CLDN14: variants seen among roughly 807,000 people sequenced by gnomAD.
The protein encoded by CLDN14 is claudin-14.
A neutral mutation model predicts 2.1 loss-of-function variants in CLDN14; 2 were observed. That is an observed-to-expected ratio of 0.96 (90% CI 0.39 to 3.01). CLDN14 has a LOEUF of 3.01. Ranked by LOEUF, CLDN14 falls within the 30% of genes most tolerant of loss-of-function variation. The pLI is 0.09. For missense variants in CLDN14, 298 were observed against 328.0 expected (o/e 0.91, Z 0.71); for synonymous variants, 136 against 154.4 (o/e 0.88, Z 0.88).
chr21:36,489,783 A>G (rs1228030555), intron 2 of CLDN14, among the ~76,000 whole-genome samples: 2 of 152,248 alleles, frequency 1.3e-5, no homozygotes, highest in Non-Finnish European at 2.9e-5. Flanking sequence ...ACTGCCAGGC[A>G]TCATGTCCAG....
At chr21:36,511,552 G>A (rs2087186801) in intron 1 of CLDN14, among the ~76,000 whole-genome samples, 1 of 152,124 alleles carries the variant, frequency 6.6e-6, no homozygotes, top group Admixed American at 6.5e-5. Context: ...CATTCCTAGT[G>A]CCTGATTTTT....
intron 2 of CLDN14, among the ~76,000 whole-genome samples, chr21:36,502,109 A>T (rs1442812705): frequency 6.6e-6 from 1 of 152,168 alleles, no homozygotes; most frequent in Non-Finnish European, 1.5e-5. Context: ...AAAAGCAGTC[A>T]CAGGGAACCA....
At chr21:36,508,560 G>T (rs1234713746) in intron 2 of CLDN14, among the ~76,000 whole-genome samples, 1 of 152,186 alleles carries the variant, frequency 6.6e-6, no homozygotes, top group Non-Finnish European at 1.5e-5. Flanking sequence ...GCGTTGGGGG[G>T]CCCCGGAGAG....
At chr21:36,536,426 CT>C (rs750643029) in intron 1 of CLDN14, among the ~76,000 whole-genome samples, 19 of 152,154 alleles carry the variant, frequency 1.2e-4, no homozygotes, top group Non-Finnish European at 2.5e-4. Flanking sequence ...TGGCTTTGAC[CT>C]TGTGTATTAA....
chr21:36,468,639 A>G (rs1303150863), intron 1 of CLDN14, among the ~76,000 whole-genome samples: 2 of 152,166 alleles, frequency 1.3e-5, no homozygotes, highest in Non-Finnish European at 2.9e-5. Context: ...ATTTGGATTC[A>G]TTTAGATAAG....
intron 1 of CLDN14, among the ~76,000 whole-genome samples, chr21:36,528,330 TATCATC>T (rs1445246288): frequency 6.6e-6 from 1 of 152,218 alleles, no homozygotes; most frequent in Non-Finnish European, 1.5e-5. Flanking sequence ...CCAGGAATAT[TATCATC>T]ATCTTCCAGA....
intron 1 of CLDN14, among the ~76,000 whole-genome samples, chr21:36,537,651 C>CTT (rs371651908): frequency 0.43 from 61,801 of 142,676 alleles, 16,147 homozygotes; most frequent in Non-Finnish European, 0.58. Flanking sequence ...TTTTTCTTTT[C>CTT]TTTTCTTTTT....
chr21:36,467,320 C>T (rs2086658641), intron 1 of CLDN14, among the ~76,000 whole-genome samples: 1 of 152,212 alleles, frequency 6.6e-6, no homozygotes, highest in Non-Finnish European at 1.5e-5. Context: ...ATCATTTCAA[C>T]AGCAGTGGCC....
upstream of CLDN14, chr21:36,481,128 C>T (rs999662348): frequency 6.6e-6 from 1 of 152,190 alleles, no homozygotes; most frequent in Admixed American, 6.5e-5. Context: ...GGCCCAGATC[C>T]TCTATCCTTA....
upstream of CLDN14, chr21:36,480,858 A>G (rs1311858885): frequency 6.6e-6 from 1 of 152,096 alleles, no homozygotes; most frequent in Non-Finnish European, 1.5e-5. Context: ...AAAAAAAAAG[A>G]TGCAGCGAAG....
In CLDN14 at chr21:36,461,202, T is replaced by C. The variant is rs1186388719; in HGVS notation, c.494A>G (p.Tyr165Cys). Residue 165 changes from tyrosine to cysteine, a missense_variant, in exon 2 of 2, where the codon TAC (tyrosine) becomes TGC (cysteine). Physicochemically the swap from Tyr to Cys is radical, Grantham distance 194. Coordinates refer to ENST00000399135, the MANE Select transcript of CLDN14 (RefSeq NM_001146079.2). ...GAGGGACGAGGAGATGAAGCCCAGG[T>C]ACAGGGCCTGGCCAATCTCAAACTT... ...GMKFEIGQAL[Y>C]LGFISSSLSL... 6.2e-7 allele frequency: 1 copy of C among 1,613,858 alleles called. No homozygotes were observed. Among genetic ancestry groups the C allele is most frequent in the African/African-American group, 1.3e-5 (1 of 74,898 alleles).
intron 1 of CLDN14, among the ~76,000 whole-genome samples, chr21:36,561,619 G>A (rs974343543): frequency 6.6e-6 from 1 of 152,194 alleles, no homozygotes; most frequent in East Asian, 1.9e-4. Context: ...CTCTGTGTTG[G>A]TGAGGAACCA....
chr21:36,534,360 C>T (rs1261084344), intron 1 of CLDN14, among the ~76,000 whole-genome samples: 1 of 152,048 alleles, frequency 6.6e-6, no homozygotes, highest in Non-Finnish European at 1.5e-5. Context: ...ACACGGTTGA[C>T]AGGAAAAAGG....
intron 1 of CLDN14, among the ~76,000 whole-genome samples, chr21:36,562,975 G>T (rs1313835697): frequency 6.6e-6 from 1 of 152,148 alleles, no homozygotes; most frequent in Admixed American, 6.5e-5. Flanking sequence ...AAATGAAAGT[G>T]GTCACCTTCA....
At chr21:36,565,247 G>A (rs2087664534) in intron 1 of CLDN14, among the ~76,000 whole-genome samples, 1 of 152,272 alleles carries the variant, frequency 6.6e-6, no homozygotes, top group East Asian at 1.9e-4. Context: ...GGTGCAGGGG[G>A]TCAGTTTGTC....
At chr21:36,503,214 G>A (rs2087104257) in intron 2 of CLDN14, among the ~76,000 whole-genome samples, 1 of 152,034 alleles carries the variant, frequency 6.6e-6, no homozygotes. Flanking sequence ...CCACCATTCC[G>A]GGCTAATTTT....
chr21:36,523,113 G>T (rs2087284730), intron 1 of CLDN14, among the ~76,000 whole-genome samples: 1 of 152,184 alleles, frequency 6.6e-6, no homozygotes, highest in Admixed American at 6.5e-5. Flanking sequence ...CAGTGTCAGG[G>T]AGCAAGCTTG....
upstream of CLDN14, among the ~76,000 whole-genome samples, chr21:36,484,175 A>G (rs1275264990): frequency 6.6e-6 from 1 of 152,138 alleles, no homozygotes; most frequent in Non-Finnish European, 1.5e-5. Context: ...AATCCCACAA[A>G]ACTGCCCCAA....
intron 2 of CLDN14, chr21:36,486,031 C>G: frequency 6.9e-7 from 1 of 1,453,952 alleles, no homozygotes; most frequent in Non-Finnish European, 9.6e-7. Flanking sequence ...CCTTGGTGGC[C>G]TGGCAGGCCA....
Sources: gnomAD v4.1 joint callset for allele counts (sites outside exome capture counted in the v4.1 genomes callset) on GRCh38, gnomAD v4.1.1 for gene constraint, MANE v1.5 for transcripts, NCBI Gene and HGNC (gene_info 2026-07-23, HGNC 2026-07-21) for gene names.